Variants in BLOC1S3 observed in about 807,000 individuals in gnomAD.
BLOC1S3 encodes the protein biogenesis of lysosomal organelles complex 1 subunit 3.
Under a neutral mutation model 9.1 loss-of-function variants are expected in BLOC1S3, and 7 were observed. The ratio of observed to expected loss-of-function variants is 0.77; its 90% CI spans 0.44 to 1.45. BLOC1S3 has a LOEUF of 1.45. Among genes scored for constraint, BLOC1S3 ranks in the 40% most tolerant of loss-of-function variants. The probability of loss-of-function intolerance (pLI) is 0.01; values close to 1 mark genes in which losing one functional copy is unlikely to be tolerated. For missense variants in BLOC1S3, 307 were observed against 315.2 expected (o/e 0.97, Z 0.20); for synonymous variants, 145 against 158.4 (o/e 0.92, Z 0.64).
rs1969517209 is a variant in BLOC1S3, at chr19:45,181,230, C to G, written c.*1325C>G. 6.0e-6 allele frequency: 1 copy of G among 167,236 alleles called. No individual in the cohort carries two copies. The highest frequency in any genetic ancestry group is 2.4e-5 in the African/African-American group (1 of 41,466). 10.4% of individuals were successfully genotyped at this position (167,236 alleles called of 1,614,324 possible). A position where few individuals can be genotyped will look rare whatever the true frequency, so the allele number is the denominator to read the frequency against. On this transcript the variant is annotated 3_prime_UTR_variant, in exon 2 of 2. Coordinates refer to ENST00000433642, the MANE Select transcript of BLOC1S3 (RefSeq NM_212550.5). ...TCCATCCTACTTACACCTCCCTGAT[C>G]CTGGGGTCTGGGGACTCCCCATGGT...
At chr19:45,197,962 T>C (rs1042871618) in intron 2 of BLOC1S3, among the ~76,000 whole-genome samples, 4 of 150,340 alleles carry the variant, frequency 2.7e-5, no homozygotes, top group African/African-American at 9.7e-5. Context: ...GTCAGGCATA[T>C]CCAACTATCA....
At chr19:45,197,017 G>A (rs929948673) in intron 2 of BLOC1S3, among the ~76,000 whole-genome samples, 3 of 152,004 alleles carry the variant, frequency 2.0e-5, no homozygotes. Context: ...TCCCACAGGG[G>A]CCCACGGGGT....
intron 2 of BLOC1S3, among the ~76,000 whole-genome samples, chr19:45,201,932 C>T (rs908978254): frequency 6.6e-6 from 1 of 152,038 alleles, no homozygotes; most frequent in Non-Finnish European, 1.5e-5. Context: ...CCATGTAAGA[C>T]GTGCCTTTTG....
At chr19:45,206,040 C>T (rs1234464919) in intron 3 of BLOC1S3, among the ~76,000 whole-genome samples, 1 of 152,066 alleles carries the variant, frequency 6.6e-6, no homozygotes, top group Non-Finnish European at 1.5e-5. Context: ...TACTGAGATA[C>T]CGTCTCTACA....
chr19:45,193,517 A>G (rs1004795120), intron 2 of BLOC1S3, among the ~76,000 whole-genome samples: 18 of 152,142 alleles, frequency 1.2e-4, no homozygotes, highest in Non-Finnish European at 2.5e-4. Flanking sequence ...GTGCTTCCTC[A>G]GAGATGGTCT....
intron 3 of BLOC1S3, among the ~76,000 whole-genome samples, chr19:45,214,655 G>C (rs569363681): frequency 6.6e-6 from 1 of 151,894 alleles, no homozygotes; most frequent in Admixed American, 6.6e-5. Context: ...AGTAGAGACG[G>C]TGTTTCACCA....
At chr19:45,208,789 A>C (rs148117566) in intron 3 of BLOC1S3, among the ~76,000 whole-genome samples, 1 of 152,174 alleles carries the variant, frequency 6.6e-6, no homozygotes, top group African/African-American at 2.4e-5. Flanking sequence ...AGTATTTGGA[A>C]AGTAAATAAC....
intron 3 of BLOC1S3, among the ~76,000 whole-genome samples, chr19:45,207,691 C>A (rs1969738403): frequency 6.6e-6 from 1 of 150,964 alleles, no homozygotes; most frequent in Non-Finnish European, 1.5e-5. Context: ...GAGCTGAGAT[C>A]ACACCACTGC....
chr19:45,182,447 C>T (rs950796751), downstream of BLOC1S3, among the ~76,000 whole-genome samples: 1 of 150,636 alleles, frequency 6.6e-6, no homozygotes, highest in Non-Finnish European at 1.5e-5. Context: ...GTAGGCAGAT[C>T]ACCTGAGGTC....
rs1969481887 is a variant in BLOC1S3 at position 45,179,658 on chromosome 19, A to G, written c.362A>G (p.Asp121Gly). Reference protein sequence around the residue: ...LRLAESQARLDHDVAAAVSGV... With the variant: ...LRLAESQARLGHDVAAAVSGV... ...CTGGCGGAGAGCCAGGCGCGGCTGG[A>G]CCACGACGTGGCGGCCGCCGTGAGC... The change falls in exon 2 of 2, where the codon GAC becomes GGC. Residue 121 changes from aspartate to glycine, a missense_variant. By Grantham distance (94) the Asp-to-Gly change is moderately conservative (BLOSUM62 -1). Transcript: ENST00000433642. The surrounding 1 kb of genome is among the most constrained non-coding windows in gnomAD (Gnocchi z 4.6). 6.8e-7 allele frequency: 1 copy of G among 1,469,152 alleles called. No homozygotes were observed. Among genetic ancestry groups the G allele is most frequent in the East Asian group, 2.9e-5 (1 of 34,018 alleles). 91.0% of individuals were successfully genotyped at this position (1,469,152 alleles called of 1,614,324 possible).
intron 3 of BLOC1S3, among the ~76,000 whole-genome samples, chr19:45,210,874 C>T (rs1969764816): frequency 6.6e-6 from 1 of 152,226 alleles, no homozygotes; most frequent in Non-Finnish European, 1.5e-5. Flanking sequence ...CCTGTAATCC[C>T]AGCACTTTGG....
intron 3 of BLOC1S3, among the ~76,000 whole-genome samples, chr19:45,215,700 T>G (rs553446780): frequency 6.6e-6 from 1 of 150,530 alleles, no homozygotes; most frequent in Non-Finnish European, 1.5e-5. Flanking sequence ...CTGGCAGGAG[T>G]TGAATGCCGC....
At chr19:45,202,673 C>G (rs1969700198) in intron 3 of BLOC1S3, among the ~76,000 whole-genome samples, 1 of 152,146 alleles carries the variant, frequency 6.6e-6, no homozygotes, top group Non-Finnish European at 1.5e-5. Context: ...AGATGCAAGA[C>G]AAAGTCTCCT....
chr19:45,210,136 A>G (rs562031491), intron 3 of BLOC1S3, among the ~76,000 whole-genome samples: 2 of 152,298 alleles, frequency 1.3e-5, no homozygotes, highest in East Asian at 1.9e-4. Context: ...GAAAAGTCCA[A>G]AATAGGTAGA....
chr19:45,216,758 C>T (rs896990721), exon 4 of BLOC1S3: 7 of 152,448 alleles, frequency 4.6e-5, no homozygotes, highest in African/African-American at 1.7e-4. Flanking sequence ...GGGATGGAGA[C>T]TGGACAAAGT....
intron 2 of BLOC1S3, among the ~76,000 whole-genome samples, chr19:45,196,621 G>C (rs982073297): frequency 3.3e-5 from 5 of 152,124 alleles, no homozygotes; most frequent in Non-Finnish European, 2.9e-5. Context: ...AGCCGGGAGC[G>C]GTGGCTCACG....
intron 2 of BLOC1S3, among the ~76,000 whole-genome samples, chr19:45,191,087 G>A (rs944573717): frequency 8.0e-5 from 12 of 150,668 alleles, no homozygotes; most frequent in Non-Finnish European, 1.5e-4. Flanking sequence ...TTACAGGCGT[G>A]AGCCACCACA....
intron 3 of BLOC1S3, among the ~76,000 whole-genome samples, chr19:45,212,414 T>A (rs1969783199): frequency 6.6e-6 from 1 of 152,030 alleles, no homozygotes; most frequent in Non-Finnish European, 1.5e-5. Context: ...CGAACGTTCC[T>A]TAATACATTG....
At position 45,181,458 on chromosome 19, in the gene BLOC1S3, A is replaced by C. The variant is rs1969520802; in HGVS notation, c.*1553A>C. On this transcript the variant is annotated 3_prime_UTR_variant, in exon 2 of 2. Coordinates refer to ENST00000433642, the MANE Select transcript of BLOC1S3 (RefSeq NM_212550.5). Reference sequence around the variant, plus strand: ...GACACCCTTCAGGCACTTCGGGCCCAATTCAGCCCAGTCCTGGTGCTTTCA... The same window carrying C: ...GACACCCTTCAGGCACTTCGGGCCCCATTCAGCCCAGTCCTGGTGCTTTCA... 6.0e-6 allele frequency: 1 copy of C among 167,122 alleles called. No individual in the cohort carries two copies. The highest frequency in any genetic ancestry group is 2.4e-5 in the African/African-American group (1 of 41,454). The allele number at this position is 167,122 out of a possible 1,614,324, so 10.4% of individuals were successfully genotyped here. A position where few individuals can be genotyped will look rare whatever the true frequency, so the allele number is the denominator to read the frequency against.
Sources: allele counts gnomAD v4.1 joint callset (sites outside exome capture counted in the v4.1 genomes callset), GRCh38; gene constraint gnomAD v4.1.1; non-coding constraint Gnocchi (gnomAD v3.1); transcripts MANE v1.5; gene names NCBI Gene and HGNC (gene_info 2026-07-23, HGNC 2026-07-21).